Variants in EFHB observed in about 807,000 individuals in gnomAD.
The protein encoded by EFHB is EF-hand domain-containing family member B.
A neutral mutation model predicts 87.2 loss-of-function variants in EFHB; 91 were observed. The observed-to-expected ratio is 1.04, with a 90% CI of 0.88 to 1.24. The LOEUF (loss-of-function observed/expected upper bound fraction) is 1.24, where lower values mean the gene tolerates loss of function less well. EFHB is among the 50% of genes most tolerant of loss of function. EFHB has a pLI of 0.00. For missense variants in EFHB, 1,084 were observed against 998.8 expected (o/e 1.09, Z -1.15); for synonymous variants, 325 against 333.6 (o/e 0.97, Z 0.28).
intron 5 of EFHB, among the ~76,000 whole-genome samples, chr3:19,913,794 G>T (rs1222135072): frequency 2.0e-5 from 3 of 152,114 alleles, no homozygotes; most frequent in African/African-American, 7.2e-5. Context: ...ATACTATAGA[G>T]CTATAGTAAC....
At chr3:19,890,891 C>T (rs970023033) in intron 9 of EFHB, among the ~76,000 whole-genome samples, 1 of 152,144 alleles carries the variant, frequency 6.6e-6, no homozygotes, top group Non-Finnish European at 1.5e-5. Context: ...CCTTCTGACT[C>T]TCCAGCCAAT....
chr3:19,912,042 G>T (rs1353469862), intron 5 of EFHB, among the ~76,000 whole-genome samples: 1 of 151,914 alleles, frequency 6.6e-6, no homozygotes, highest in Non-Finnish European at 1.5e-5. Context: ...TTATTCAAAG[G>T]GATAACAGAG....
chr3:19,933,272 T>C lies in EFHB; in HGVS notation c.747A>G (p.Ile249Met), dbSNP rs759035338. 60 of 1,613,868 alleles carry C rather than the reference T, an allele frequency of 3.7e-5. No individual in the cohort carries two copies. The highest frequency in any genetic ancestry group is 4.7e-5 in the Non-Finnish European group (56 of 1,179,888). The change falls in exon 1 of 13, where the codon ATA (isoleucine) becomes ATG (methionine). Residue 249 changes from isoleucine (I) to methionine (M), a missense_variant. Ile to Met is a conservative substitution (Grantham distance 10). Coordinates refer to ENST00000295824, the MANE Select transcript of EFHB (RefSeq NM_144715.4). Reference protein sequence around the residue: ...GVEPPDRIRPIYSGKFFDRTP... With the variant: ...GVEPPDRIRPMYSGKFFDRTP... ...TCCGATCAAAAAACTTCCCAGAGTA[T>C]ATGGGTCTGATGCGATCTGGAGGTT...
rs1696273619 is a variant in EFHB at position 19,946,123 on chromosome 3, G to A, written c.-32+796C>T. 3 of 152,336 alleles carry A rather than the reference G, an allele frequency of 2.0e-5. No individual in the cohort carries two copies. In the East Asian group the frequency reaches 5.8e-4, roughly 29 times the overall value. The allele number at this position is 152,336 out of a possible 1,614,324, so 9.4% of individuals were successfully genotyped here. Reference sequence around the variant, plus strand: ...TGGAGGGTAACGAACATCTTGGGTTGTCTTTCACCAGAATTGTGTTCAACA... The same window carrying A: ...TGGAGGGTAACGAACATCTTGGGTTATCTTTCACCAGAATTGTGTTCAACA... On this transcript the variant is annotated intron_variant, in intron 1 of 14. Coordinates refer to the EFHB transcript ENST00000344838.
chr3:19,880,281 ACT>A (rs1377526705), intron 12 of EFHB, among the ~76,000 whole-genome samples: 2 of 147,058 alleles, frequency 1.4e-5, no homozygotes, highest in East Asian at 3.9e-4. Context: ...ACAGAGTCTC[ACT>A]CTGTTGCCCA....
intron 1 of EFHB, among the ~76,000 whole-genome samples, chr3:19,929,008 TTC>T (rs1487427000): frequency 6.6e-6 from 1 of 152,016 alleles, no homozygotes; most frequent in Non-Finnish European, 1.5e-5. Context: ...TGGAGCAATT[TTC>T]AATCTAATTA....
At chr3:19,908,613 A>AG in intron 5 of EFHB, among the ~76,000 whole-genome samples, 1 of 141,756 alleles carries the variant, frequency 7.1e-6, no homozygotes, top group African/African-American at 3.0e-5. Context: ...AGAAAGAAAG[A>AG]AAGAAAGAAA....
intron 9 of EFHB, chr3:19,895,011 A>AATATAT (rs1345951118): frequency 7.1e-6 from 1 of 141,318 alleles, no homozygotes; most frequent in Non-Finnish European, 1.5e-5. Flanking sequence ...TATATATAAA[A>AATATAT]ATATATAGTT....
intron 12 of EFHB, 133 bp downstream of exon 12, chr3:19,882,417 T>C: frequency 1.2e-6 from 1 of 819,646 alleles, no homozygotes; most frequent in Non-Finnish European, 1.7e-6. Flanking sequence ...AAGTTGAGGA[T>C]TATTCATCAA....
At chr3:19,914,626 C>T (rs6796102) in intron 5 of EFHB, among the ~76,000 whole-genome samples, 1,698 of 152,184 alleles carry the variant, frequency 0.011, 33 homozygotes, top group African/African-American at 0.039. Context: ...TCAATCCTCA[C>T]TATATTACTA....
chr3:19,938,942 T>G (rs1053720446), upstream of EFHB, among the ~76,000 whole-genome samples: 11 of 152,224 alleles, frequency 7.2e-5, no homozygotes, highest in Non-Finnish European at 2.9e-5. Context: ...AGTCTCACTC[T>G]GTCACCCAGG....
intron 9 of EFHB, among the ~76,000 whole-genome samples, chr3:19,894,140 G>A (rs940018279): frequency 6.6e-6 from 1 of 152,176 alleles, no homozygotes; most frequent in Non-Finnish European, 1.5e-5. Context: ...CATAGTACTT[G>A]GGCCTCACTC....
At chr3:19,921,967 C>G (rs1695452147) in intron 1 of EFHB, among the ~76,000 whole-genome samples, 1 of 152,040 alleles carries the variant, frequency 6.6e-6, no homozygotes, top group African/African-American at 2.4e-5. Flanking sequence ...GAGTTCAAGA[C>G]CAGCCTGGCC....
rs201511973 is a variant in EFHB at position 19,905,660 on chromosome 3, C to A, written c.1378G>T (p.Ala460Ser). The A allele has an allele frequency of 8.1e-6, 13 of 1,613,774 alleles. 1 individual carries two copies. The East Asian group carries it at 2.9e-4, about 36-fold the overall frequency. The change falls in exon 6 of 13, where the codon GCC (alanine) becomes TCC (serine). Residue 460 changes from alanine to serine, a missense_variant. Ala to Ser is a moderately conservative substitution (Grantham distance 99, BLOSUM62 1). Transcript: ENST00000295824. Reference sequence around the variant, plus strand: ...AGCCAATATAGAGATTTTGCCATGGCTCGTCCATCATTAAAATGTGGTGTT... The same window carrying A: ...AGCCAATATAGAGATTTTGCCATGGATCGTCCATCATTAAAATGTGGTGTT... ...VPTPHFNDGR[A>S]MAKSLYWLHE...
chr3:19,926,702 C>A (rs944387152), intron 1 of EFHB, among the ~76,000 whole-genome samples: 1 of 151,182 alleles, frequency 6.6e-6, no homozygotes, highest in Non-Finnish European at 1.5e-5. Flanking sequence ...ACTCTTTTGC[C>A]CAGGCTGGAG....
At chr3:19,879,928 GTGTA>G in intron 12 of EFHB, 124 bp from the exon 13 acceptor site, 2 of 879,418 alleles carry the variant, frequency 2.3e-6, no homozygotes, top group South Asian at 2.0e-5. Flanking sequence ...AAGTATGTGT[GTGTA>G]TGTATTTGTG....
upstream of EFHB, among the ~76,000 whole-genome samples, chr3:19,935,299 T>C (rs1274933287): frequency 6.6e-6 from 1 of 152,240 alleles, no homozygotes; most frequent in African/African-American, 2.4e-5. Context: ...TTCATTGTTT[T>C]TAAGTAGGAG....
chr3:19,936,106 T>A (rs1461546187), upstream of EFHB: 2 of 1,327,400 alleles, frequency 1.5e-6, no homozygotes, highest in African/African-American at 3.0e-5. Context: ...AATATTTTTT[T>A]AAAAGTGTGT....
intron 6 of EFHB, among the ~76,000 whole-genome samples, chr3:19,903,430 A>G (rs1331837150): frequency 6.6e-6 from 1 of 152,048 alleles, no homozygotes; most frequent in Non-Finnish European, 1.5e-5. Flanking sequence ...TATATTTCTA[A>G]CCCATTGAAA....
Sources: gnomAD v4.1 joint callset for allele counts (sites outside exome capture counted in the v4.1 genomes callset) on GRCh38, gnomAD v4.1.1 for gene constraint, MANE v1.5 for transcripts, NCBI Gene and HGNC (gene_info 2026-07-23, HGNC 2026-07-21) for gene names.